HERC4: variants seen among roughly 807,000 people sequenced by gnomAD.
HERC4 encodes the protein probable E3 ubiquitin-protein ligase HERC4.
In HERC4, 28 loss-of-function variants were observed where a neutral mutation model predicts 124.3. The observed-to-expected ratio is 0.23, with a 90% confidence interval of 0.17 to 0.31. The LOEUF (loss-of-function observed/expected upper bound fraction) is 0.31. Among genes scored for constraint, HERC4 ranks in the 10% least tolerant of loss-of-function variants. HERC4 has a pLI of 1.00. For synonymous variants in HERC4, 407 were observed against 421.5 expected (o/e 0.97, Z 0.42); for missense variants, 713 against 1,229.3 (o/e 0.58, Z 6.28).
chr10:67,937,503 T>C (rs1324362851), intron 21 of HERC4, among the ~76,000 whole-genome samples: 2 of 152,062 alleles, frequency 1.3e-5, no homozygotes, highest in East Asian at 3.8e-4. Context: ...TCAACTGAGA[T>C]GATCAATAAA....
rs1323889392 is a variant in HERC4, at chr10:68,032,772, C to T, written c.777+6G>A. 1 of 1,439,066 alleles carries T rather than the reference C, an allele frequency of 6.9e-7. No homozygotes were observed. Among genetic ancestry groups the T allele is most frequent in the South Asian group, 1.1e-5 (1 of 87,234 alleles). 89.1% of individuals were successfully genotyped at this position (1,439,066 alleles called of 1,614,324 possible). On this transcript the variant is annotated splice_donor_region_variant and intron_variant, in intron 7 of 24. Coordinates refer to ENST00000373700, the MANE Select transcript of HERC4 (RefSeq NM_015601.4). ...TAATAATAAAGAAGTTTTAGAAGTA[C>T]AATACCTTGGTTAGAGCAGCAGTAT...
At chr10:67,967,830 G>C (rs1181838081) in intron 15 of HERC4, among the ~76,000 whole-genome samples, 1 of 151,562 alleles carries the variant, frequency 6.6e-6, no homozygotes, top group Non-Finnish European at 1.5e-5. Context: ...ATCACAATGA[G>C]GAAACAATCA....
At chr10:68,005,614 C>A (rs367839467) in intron 9 of HERC4, among the ~76,000 whole-genome samples, 3 of 150,494 alleles carry the variant, frequency 2.0e-5, no homozygotes, top group African/African-American at 7.3e-5. Context: ...TCCTTCTTTC[C>A]TTCCTTCCTA....
At chr10:68,000,355 A>G (rs1420215062) in intron 9 of HERC4, among the ~76,000 whole-genome samples, 2 of 152,112 alleles carry the variant, frequency 1.3e-5, no homozygotes, top group Non-Finnish European at 2.9e-5. Flanking sequence ...AGGTAGGCAC[A>G]TTGCTTGAGC....
Position 68,015,130 on chromosome 10 carries a change from G to A in HERC4, c.909-944C>T, listed in dbSNP as rs1053124590. ...CTTGCTTTGGCCAGCAGAAACAACA[G>A]TGTCTCAGTTCCGAGCCTTTGCCTC... On this transcript the variant is annotated intron_variant, in intron 8 of 24. Coordinates refer to ENST00000373700, the MANE Select transcript of HERC4 (RefSeq NM_015601.4). Among the ~76,000 whole-genome samples the A allele has an allele frequency of 8.6e-5, 13 of 151,932 alleles. No individual in the cohort carries two copies. The South Asian group carries it at 1.5e-3, about 17-fold the overall frequency.
At chr10:67,972,879 T>C (rs1403075228) in intron 15 of HERC4, among the ~76,000 whole-genome samples, 1 of 152,178 alleles carries the variant, frequency 6.6e-6, no homozygotes, top group Non-Finnish European at 1.5e-5. Flanking sequence ...ATTTGAAATA[T>C]GCATGCACAG....
chr10:67,953,184 T>A (rs939626805), intron 19 of HERC4, among the ~76,000 whole-genome samples: 1 of 152,198 alleles, frequency 6.6e-6, no homozygotes, highest in Non-Finnish European at 1.5e-5. Context: ...TTTGGAACTA[T>A]GTAGGCATTT....
chr10:68,035,560 GA>G (rs1485757048), intron 5 of HERC4, among the ~76,000 whole-genome samples: 1 of 152,128 alleles, frequency 6.6e-6, no homozygotes, highest in Non-Finnish European at 1.5e-5. Context: ...TAAAAATGCA[GA>G]TTTGATAATA....
At chr10:68,007,654 C>T (rs7087233) in intron 9 of HERC4, 15,713 of 151,874 alleles carry the variant, frequency 0.1, 905 homozygotes, top group South Asian at 0.15. Context: ...CTCAATTCTT[C>T]AGTCACTGCA....
intron 9 of HERC4, among the ~76,000 whole-genome samples, chr10:68,008,251 C>T (rs1032197033): frequency 6.6e-6 from 1 of 152,168 alleles, no homozygotes; most frequent in Non-Finnish European, 1.5e-5. Flanking sequence ...CTAGATCACA[C>T]CTGACAGTAC....
intron 9 of HERC4, chr10:67,996,046 C>A: frequency 2.5e-6 from 1 of 396,902 alleles, no homozygotes; most frequent in Non-Finnish European, 4.9e-6. Flanking sequence ...TAGCTCATAC[C>A]TGTAATCCCA....
chr10:67,974,546 A>T (rs889695882), intron 15 of HERC4, among the ~76,000 whole-genome samples: 4 of 152,244 alleles, frequency 2.6e-5, no homozygotes, highest in African/African-American at 7.2e-5. Flanking sequence ...ACAGGTGCTC[A>T]ATAAATATGA....
intron 16 of HERC4, chr10:67,961,263 G>A (rs780061423): frequency 6.3e-6 from 1 of 158,742 alleles, no homozygotes; most frequent in African/African-American, 2.4e-5. Flanking sequence ...GATCAGAAAG[G>A]TTCACTTCAA....
At chr10:67,932,051 A>G (rs2031871940) in intron 23 of HERC4, among the ~76,000 whole-genome samples, 1 of 152,050 alleles carries the variant, frequency 6.6e-6, no homozygotes, top group Non-Finnish European at 1.5e-5. Flanking sequence ...TCCGCCTCCC[A>G]GGTTCAAGAG....
chr10:68,035,760 G>C (rs962658393), intron 5 of HERC4, among the ~76,000 whole-genome samples: 5 of 152,042 alleles, frequency 3.3e-5, no homozygotes, highest in African/African-American at 1.2e-4. Flanking sequence ...CACACTTGCT[G>C]TTCTCTCTAC....
intron 20 of HERC4, 33 bp from the exon 21 acceptor site, chr10:67,939,687 A>G: frequency 7.6e-7 from 1 of 1,316,528 alleles, no homozygotes; most frequent in Non-Finnish European, 1.1e-6. Flanking sequence ...CTGAGAGGAA[A>G]AAATTATTGG....
At chr10:67,986,484 T>C (rs977698774) in intron 15 of HERC4, among the ~76,000 whole-genome samples, 1 of 152,134 alleles carries the variant, frequency 6.6e-6, no homozygotes, top group Non-Finnish European at 1.5e-5. Flanking sequence ...TCCTGGGTAG[T>C]TGGAATTACA....
chr10:67,997,640 G>T (rs2036969260), intron 9 of HERC4, among the ~76,000 whole-genome samples: 1 of 152,060 alleles, frequency 6.6e-6, no homozygotes, highest in Non-Finnish European at 1.5e-5. Flanking sequence ...GGAGATAAGG[G>T]CATTAAAGAG....
chr10:67,967,265 T>C (rs966843553), intron 15 of HERC4, among the ~76,000 whole-genome samples: 1 of 152,224 alleles, frequency 6.6e-6, no homozygotes, highest in Non-Finnish European at 1.5e-5. Flanking sequence ...TGCAAAATGC[T>C]AGTTAAGTGC....
Sources: allele counts gnomAD v4.1 joint callset (sites outside exome capture counted in the v4.1 genomes callset), GRCh38; gene constraint gnomAD v4.1.1; transcripts MANE v1.5; gene names NCBI Gene and HGNC (gene_info 2026-07-23, HGNC 2026-07-21).